The following PHYHIPL variants were observed in gnomAD, a reference collection of about 807,000 sequenced individuals.
PHYHIPL encodes the protein phytanoyl-CoA hydroxylase-interacting protein-like.
In PHYHIPL, 9 loss-of-function variants were observed where a neutral mutation model predicts 33.4. The observed-to-expected ratio is 0.27, with a 90% CI of 0.16 to 0.47. The LOEUF (loss-of-function observed/expected upper bound fraction) is 0.47. Among genes scored for constraint, PHYHIPL ranks in the 20% least tolerant of loss-of-function variants. The pLI is 0.99. For synonymous variants in PHYHIPL, 153 were observed against 154.1 expected, an observed-to-expected ratio of 0.99 and a Z score of 0.05; for missense variants, 365 against 460.7, an observed-to-expected ratio of 0.79 and a Z score of 1.90.
intron 1 of PHYHIPL, among the ~76,000 whole-genome samples, chr10:59,206,103 G>A (rs943113073): frequency 2.6e-5 from 4 of 152,126 alleles, no homozygotes; most frequent in African/African-American, 9.7e-5. Flanking sequence ...GAATCCTGGT[G>A]TTTTCATCTA....
chr10:59,180,915 C>G (rs1838398955), intron 1 of PHYHIPL, among the ~76,000 whole-genome samples: 1 of 152,134 alleles, frequency 6.6e-6, no homozygotes. Flanking sequence ...GTACCCATAA[C>G]TGTTAACTTT....
chr10:59,240,100 C>A (rs927238380), intron 4 of PHYHIPL, among the ~76,000 whole-genome samples: 2 of 151,956 alleles, frequency 1.3e-5, no homozygotes, highest in Non-Finnish European at 2.9e-5. Flanking sequence ...AAAAATATTC[C>A]TGCCATTTGT....
intron 1 of PHYHIPL, among the ~76,000 whole-genome samples, chr10:59,231,416 A>T (rs1039208180): frequency 7.2e-5 from 11 of 152,132 alleles, no homozygotes; most frequent in African/African-American, 2.7e-4. Context: ...ATGCAAAGCA[A>T]ATAGAAGTAA....
chr10:59,245,724 C>A lies in PHYHIPL; in HGVS notation c.*133C>A. 1.0e-6 allele frequency: 1 copy of A among 985,346 alleles called. No individual in the cohort carries two copies. Among genetic ancestry groups the A allele is most frequent in the Non-Finnish European group, 1.5e-6 (1 of 684,356 alleles). 61.0% of individuals were successfully genotyped at this position (985,346 alleles called of 1,614,324 possible). ...CACTGTCACCAAAACAAACAACTAC[C>A]ACTTTCCAAATTTCATTCAGAACCA... is the stretch of plus-strand genomic sequence containing the variant. On this transcript the variant is annotated 3_prime_UTR_variant, in exon 5 of 5. Transcript: ENST00000373880.
At chr10:59,225,872 A>C (rs1446304120) in intron 1 of PHYHIPL, among the ~76,000 whole-genome samples, 1 of 152,154 alleles carries the variant, frequency 6.6e-6, no homozygotes, top group Non-Finnish European at 1.5e-5. Context: ...AGAAGTTTCT[A>C]GGTCTTCCAT....
At chr10:59,191,692 C>T (rs1838788034) in intron 1 of PHYHIPL, among the ~76,000 whole-genome samples, 4 of 151,886 alleles carry the variant, frequency 2.6e-5, no homozygotes, top group Non-Finnish European at 5.9e-5. Context: ...ATAGTTGCCA[C>T]TGTGGTCAAT....
intron 1 of PHYHIPL, among the ~76,000 whole-genome samples, chr10:59,201,686 A>G (rs578260585): frequency 1.3e-5 from 2 of 152,254 alleles, no homozygotes; most frequent in South Asian, 4.1e-4. Flanking sequence ...TTGAGTAATC[A>G]GAGTGTAATG....
Position 59,247,654 on chromosome 10 carries a change from T to G in PHYHIPL, c.*2063T>G, listed in dbSNP as rs1840831288. 1 of 1,613,430 alleles carries G rather than the reference T, an allele frequency of 6.2e-7. No individual in the cohort carries two copies. On this transcript the variant is annotated 3_prime_UTR_variant, in exon 5 of 5. Coordinates refer to ENST00000373880, the MANE Select transcript of PHYHIPL (RefSeq NM_032439.4). ...CACATCTTGCTTGCTGATGAGGACC[T>G]CTAATAGTCTCAGTTTGGCTTTTAT...
At chr10:59,196,831 TAATA>T (rs746656893) in intron 1 of PHYHIPL, among the ~76,000 whole-genome samples, 1 of 152,234 alleles carries the variant, frequency 6.6e-6, no homozygotes, top group Non-Finnish European at 1.5e-5. Context: ...GGTATATCTG[TAATA>T]AATAAATCCA....
At chr10:59,195,946 G>T (rs1838900600) in intron 1 of PHYHIPL, among the ~76,000 whole-genome samples, 1 of 151,914 alleles carries the variant, frequency 6.6e-6, no homozygotes, top group South Asian at 2.1e-4. Context: ...TCTAGAATAA[G>T]AAAAAGTTTT....
intron 1 of PHYHIPL, among the ~76,000 whole-genome samples, chr10:59,184,186 G>A (rs777412393): frequency 1.3e-5 from 2 of 152,138 alleles, no homozygotes; most frequent in Non-Finnish European, 2.9e-5. Flanking sequence ...AAATCCATAA[G>A]CCTGCTACCT....
Position 59,245,043 on chromosome 10 carries a change from G to C in PHYHIPL, c.597-14G>C. ...CTATTGTATTAAGCAGTGACCACTT[G>C]TTTTCTCTTGCAGAGAACATCATGG... On this transcript the variant is annotated splice_polypyrimidine_tract_variant and intron_variant, in intron 4 of 4. Coordinates refer to ENST00000373880, the MANE Select transcript of PHYHIPL (RefSeq NM_032439.4). 1.3e-6 allele frequency: 2 copies of C among 1,590,316 alleles called. No individual in the cohort carries two copies. Among genetic ancestry groups the C allele is most frequent in the Non-Finnish European group, 1.7e-6 (2 of 1,170,976 alleles).
intron 1 of PHYHIPL, among the ~76,000 whole-genome samples, chr10:59,198,739 T>C (rs936444351): frequency 7.3e-6 from 1 of 137,866 alleles, no homozygotes; most frequent in African/African-American, 3.3e-5. Flanking sequence ...TTTTTAATGA[T>C]CGCCATTCTA....
At chr10:59,220,980 AC>A (rs1839754615) in intron 1 of PHYHIPL, among the ~76,000 whole-genome samples, 1 of 152,070 alleles carries the variant, frequency 6.6e-6, no homozygotes, top group Non-Finnish European at 1.5e-5. Flanking sequence ...TGTTCCTATT[AC>A]TAAACAGCTT....
chr10:59,185,816 G>GT (rs1838580878), intron 1 of PHYHIPL, among the ~76,000 whole-genome samples: 1 of 151,994 alleles, frequency 6.6e-6, no homozygotes, highest in Non-Finnish European at 1.5e-5. Flanking sequence ...GGGGTTGTTT[G>GT]TTTTTTTCTT....
chr10:59,188,232 T>C (rs1403286098), intron 1 of PHYHIPL, among the ~76,000 whole-genome samples: 1 of 152,220 alleles, frequency 6.6e-6, no homozygotes, highest in Non-Finnish European at 1.5e-5. Context: ...TACCCGGTAG[T>C]CATTCAGGAA....
At chr10:59,174,499 A>G (rs1838218465), upstream of PHYHIPL, among the ~76,000 whole-genome samples, 1 of 152,194 alleles carries the variant, frequency 6.6e-6, no homozygotes, top group South Asian at 2.1e-4. Context: ...GATTTAAAAA[A>G]TCCTATATTT....
intron 1 of PHYHIPL, among the ~76,000 whole-genome samples, chr10:59,229,418 TTAG>T (rs1338361716): frequency 6.6e-6 from 1 of 152,132 alleles, no homozygotes; most frequent in Non-Finnish European, 1.5e-5. Context: ...ATAATTGTAA[TTAG>T]TAGTGTTTGT....
chr10:59,232,245 C>T (rs1053175845), intron 1 of PHYHIPL, among the ~76,000 whole-genome samples: 8 of 151,820 alleles, frequency 5.3e-5, no homozygotes, highest in African/African-American at 1.4e-4. Flanking sequence ...CAGAAAATTA[C>T]GACTACCTAA....
Sources: gnomAD v4.1 joint callset for allele counts (sites outside exome capture counted in the v4.1 genomes callset) on GRCh38, gnomAD v4.1.1 for gene constraint, MANE v1.5 for transcripts, NCBI Gene and HGNC (gene_info 2026-07-23, HGNC 2026-07-21) for gene names.